The following NRG1 variants were observed in gnomAD, a reference collection of about 807,000 sequenced individuals.
NRG1 encodes the protein neuregulin 1, also known as pro-neuregulin-1, membrane-bound isoform.
Under a neutral mutation model 63.8 loss-of-function variants are expected in NRG1, and 18 were observed. That is an observed-to-expected ratio of 0.28 (90% confidence interval 0.19 to 0.42). The LOEUF (loss-of-function observed/expected upper bound fraction) is 0.42, where lower values mean the gene tolerates loss of function less well. NRG1 is among the 10% of genes least tolerant of loss of function. The pLI is 1.00. For synonymous variants in NRG1, 302 were observed against 301.3 expected, an observed-to-expected ratio of 1.00 and a Z score of -0.02; for missense variants, 762 against 814.7, an observed-to-expected ratio of 0.94 and a Z score of 0.79.
chr8:32,300,042 TA>T (rs1347611285), intron 1 of NRG1, among the ~76,000 whole-genome samples: 1 of 152,180 alleles, frequency 6.6e-6, no homozygotes, highest in Non-Finnish European at 1.5e-5. Flanking sequence ...GAGCACCACC[TA>T]GTTTAGAGAC....
chr8:31,752,043 G>C (rs1816527803), intron 1 of NRG1, among the ~76,000 whole-genome samples: 1 of 151,962 alleles, frequency 6.6e-6, no homozygotes, highest in African/African-American at 2.4e-5. Context: ...CTCTAGAAGA[G>C]AAATCTAGAT....
intron 1 of NRG1, among the ~76,000 whole-genome samples, chr8:31,893,037 T>C (rs926487929): frequency 1.3e-5 from 2 of 151,852 alleles, no homozygotes; most frequent in Admixed American, 6.6e-5. Flanking sequence ...GTAAAGAATA[T>C]GGGGGAAAAA....
chr8:32,100,658 A>G (rs1830454845), intron 1 of NRG1, among the ~76,000 whole-genome samples: 1 of 152,138 alleles, frequency 6.6e-6, no homozygotes, highest in Non-Finnish European at 1.5e-5. Context: ...AAGTGGAGCA[A>G]ATTTGCGTCC....
intron 1 of NRG1, among the ~76,000 whole-genome samples, chr8:32,326,307 C>CTTT (rs745434807): frequency 1.1e-3 from 116 of 101,364 alleles, no homozygotes; most frequent in African/African-American, 1.9e-3. Flanking sequence ...TGTGCCCAGG[C>CTTT]TTTTTTTTTT....
chr8:32,155,129 A>C (rs1408253327), intron 1 of NRG1, among the ~76,000 whole-genome samples: 3 of 152,098 alleles, frequency 2.0e-5, no homozygotes, highest in African/African-American at 7.2e-5. Flanking sequence ...ATCACTAAGC[A>C]ATGGATAATT....
chr8:32,004,790 G>A (rs1813483479), intron 1 of NRG1, among the ~76,000 whole-genome samples: 1 of 151,786 alleles, frequency 6.6e-6, no homozygotes. Flanking sequence ...ATGTGGTGTG[G>A]TGGGAAAAAT....
intron 5 of NRG1, among the ~76,000 whole-genome samples, chr8:32,704,747 A>T (rs1335960199): frequency 6.6e-6 from 1 of 152,220 alleles, no homozygotes; most frequent in Non-Finnish European, 1.5e-5. Context: ...TTGGAAAAAT[A>T]TCACTAAAAT....
At chr8:32,460,682 C>A (rs527500516) in intron 1 of NRG1, among the ~76,000 whole-genome samples, 8 of 152,284 alleles carry the variant, frequency 5.3e-5, no homozygotes, top group African/African-American at 1.9e-4. Flanking sequence ...CAGACAACAA[C>A]AATTTGTTTT....
chr8:32,518,809 G>T (rs1353487032), intron 1 of NRG1, among the ~76,000 whole-genome samples: 1 of 152,174 alleles, frequency 6.6e-6, no homozygotes, highest in Non-Finnish European at 1.5e-5. Context: ...GAAAAAAGTT[G>T]ACTACAAAGA....
intron 1 of NRG1, among the ~76,000 whole-genome samples, chr8:32,519,277 G>C (rs192247185): frequency 6.6e-6 from 1 of 152,124 alleles, no homozygotes; most frequent in Non-Finnish European, 1.5e-5. Context: ...AAATAGCTCT[G>C]TATTCAAGAG....
intron 1 of NRG1, among the ~76,000 whole-genome samples, chr8:32,340,374 C>T (rs1803914783): frequency 6.6e-6 from 1 of 152,100 alleles, no homozygotes; most frequent in Non-Finnish European, 1.5e-5. Context: ...GCTGCTAAAT[C>T]CTAGAGGGCA....
chr8:32,238,208 A>T (rs1183532300), intron 1 of NRG1, among the ~76,000 whole-genome samples: 2 of 152,092 alleles, frequency 1.3e-5, no homozygotes, highest in African/African-American at 2.4e-5. Context: ...CATGCCTGTA[A>T]TCCCAGCAAT....
chr8:32,768,895 G>A (rs998582147), downstream of NRG1, among the ~76,000 whole-genome samples: 1 of 152,062 alleles, frequency 6.6e-6, no homozygotes, highest in Non-Finnish European at 1.5e-5. Flanking sequence ...CCTAGTTATG[G>A]CTCCTCTAGG....
intron 1 of NRG1, among the ~76,000 whole-genome samples, chr8:31,910,306 G>A (rs1832838689): frequency 1.3e-5 from 2 of 152,170 alleles, no homozygotes. Context: ...AGAATGGAAT[G>A]AGATGAAAAT....
chr8:32,127,652 C>A (rs949844858), intron 1 of NRG1, among the ~76,000 whole-genome samples: 1 of 151,618 alleles, frequency 6.6e-6, no homozygotes, highest in Non-Finnish European at 1.5e-5. Flanking sequence ...ATGAAGGCTC[C>A]TGTAGCTCCT....
chr8:31,796,235 G>T (rs1821190679), intron 1 of NRG1, among the ~76,000 whole-genome samples: 1 of 151,766 alleles, frequency 6.6e-6, no homozygotes, highest in Non-Finnish European at 1.5e-5. Flanking sequence ...TCCTGCTCAG[G>T]CTTTTATGTG....
Position 31,949,999 on chromosome 8 carries a change from G to A in NRG1, c.37+310568G>A, listed in dbSNP as rs116696661. Among the ~76,000 whole-genome samples the A allele has an allele frequency of 7.5e-3, 1,134 of 152,198 alleles. 14 individuals carry two copies. The highest frequency in any genetic ancestry group is 0.026 in the African/African-American group (1,077 of 41,530). ...GTCTTGGCTATTTTATCTTCCCACC[G>A]TTCCAGATTTTCCCACTTTTTCCTT... On this transcript the variant is annotated intron_variant, in intron 1 of 10. Coordinates refer to the NRG1 transcript ENST00000519301.
intron 1 of NRG1, among the ~76,000 whole-genome samples, chr8:32,386,075 A>G (rs1341858154): frequency 6.6e-6 from 1 of 152,186 alleles, no homozygotes; most frequent in Non-Finnish European, 1.5e-5. Flanking sequence ...TTTAGATTTT[A>G]GTTGCCATTA....
intron 1 of NRG1, among the ~76,000 whole-genome samples, chr8:32,283,938 TC>T (rs953300275): frequency 1.3e-5 from 2 of 152,078 alleles, no homozygotes; most frequent in African/African-American, 4.8e-5. Context: ...GGCTAGGAGA[TC>T]CCCCAAATTT....
Sources: gnomAD v4.1 joint callset for allele counts (sites outside exome capture counted in the v4.1 genomes callset) on GRCh38, gnomAD v4.1.1 for gene constraint, MANE v1.5 for transcripts, NCBI Gene and HGNC (gene_info 2026-07-23, HGNC 2026-07-21) for gene names.